TPRG1: variants seen among roughly 807,000 people sequenced by gnomAD.
The protein encoded by TPRG1 is tumor protein p63 regulated 1.
A neutral mutation model predicts 29.3 loss-of-function variants in TPRG1; 29 were observed. The observed-to-expected ratio is 0.99, with a 90% CI of 0.74 to 1.35. The LOEUF (loss-of-function observed/expected upper bound fraction) is 1.35. Ranked by LOEUF, TPRG1 falls within the 40% of genes most tolerant of loss-of-function variation. The probability of loss-of-function intolerance (pLI) is 0.00; values close to 1 mark genes in which losing one functional copy is unlikely to be tolerated. For missense variants in TPRG1, 327 were observed against 335.0 expected (o/e 0.98, Z 0.19); for synonymous variants, 130 against 116.8 (o/e 1.11, Z -0.73).
chr3:189,262,203 G>GGTATAA (rs59142894), intron 4 of TPRG1, among the ~76,000 whole-genome samples: 22,617 of 141,420 alleles, frequency 0.16, 1,911 homozygotes, highest in East Asian at 0.22. Flanking sequence ...GAGAAGACTT[G>GGTATAA]GTATAAGTAT....
intron 1 of TPRG1, 157 bp from the exon 2 acceptor site, chr3:189,207,219 A>C: frequency 2.1e-6 from 2 of 972,328 alleles, no homozygotes; most frequent in South Asian, 9.5e-5. Flanking sequence ...AGTCTGTGTT[A>C]TGAAGCTGTA....
chr3:189,113,912 G>GTTT (rs1720863024), intron 1 of TPRG1, among the ~76,000 whole-genome samples: 1 of 135,826 alleles, frequency 7.4e-6, no homozygotes, highest in Non-Finnish European at 1.5e-5. Flanking sequence ...AAAACTTAAA[G>GTTT]TATAATAATA....
At chr3:189,207,716 A>G in intron 2 of TPRG1, 122 bp downstream of exon 2, 1 of 883,546 alleles carries the variant, frequency 1.1e-6, no homozygotes, top group East Asian at 2.5e-5. Flanking sequence ...CGTCATAATA[A>G]TCATGAAGTA....
chr3:189,211,245 T>C (rs115470576), intron 2 of TPRG1, among the ~76,000 whole-genome samples: 3,162 of 152,304 alleles, frequency 0.021, 107 homozygotes, highest in African/African-American at 0.071. Flanking sequence ...ATTTAACTTT[T>C]GTTGTATATG....
At position 189,151,772 on chromosome 3, in the gene TPRG1, T is replaced by C. The variant is rs1725970444; in HGVS notation, c.-10+900T>C. 1.3e-5 allele frequency among the ~76,000 whole-genome samples: 2 copies of C among 151,920 alleles called. 1 individual carries two copies. The highest frequency in any genetic ancestry group is 2.9e-5 in the Non-Finnish European group (2 of 67,972). Reference sequence around the variant, plus strand: ...GGCATGCCCCTGTAGTCCCAGCTATTTGGGAGGCTGAGACAGGAGAATCGC... The same window carrying C: ...GGCATGCCCCTGTAGTCCCAGCTATCTGGGAGGCTGAGACAGGAGAATCGC... On this transcript the variant is annotated intron_variant, in intron 5 of 6. Transcript: ENST00000412373.
chr3:189,103,032 G>C (rs919913160), intron 1 of TPRG1, among the ~76,000 whole-genome samples: 1 of 152,010 alleles, frequency 6.6e-6, no homozygotes, highest in Non-Finnish European at 1.5e-5. Context: ...TTGGTGCTTC[G>C]TCTGTAATTC....
chr3:189,087,283 CTGTT>C (rs1718013251), intron 4 of TPRG1, among the ~76,000 whole-genome samples: 1 of 152,150 alleles, frequency 6.6e-6, no homozygotes, highest in African/African-American at 2.4e-5. Flanking sequence ...TTTCCTGTGT[CTGTT>C]GGCTGCATAA....
chr3:189,119,176 T>G (rs1285588922), intron 1 of TPRG1, among the ~76,000 whole-genome samples: 5 of 152,176 alleles, frequency 3.3e-5, no homozygotes, highest in African/African-American at 9.7e-5. Flanking sequence ...AGAGATAATT[T>G]TGGAACTTTA....
intron 3 of TPRG1, among the ~76,000 whole-genome samples, chr3:189,141,740 C>T (rs915464812): frequency 1.4e-4 from 21 of 152,142 alleles, no homozygotes; most frequent in African/African-American, 4.1e-4. Context: ...AATTTACCAA[C>T]GTTACAGTCT....
chr3:189,056,000 A>C (rs1715642670), intron 4 of TPRG1, among the ~76,000 whole-genome samples: 1 of 144,634 alleles, frequency 6.9e-6, no homozygotes, highest in Admixed American at 6.9e-5. Flanking sequence ...TTGTATGAGG[A>C]TCTCTCTCTC....
At chr3:189,190,214 C>T (rs1233419412) in intron 1 of TPRG1, among the ~76,000 whole-genome samples, 1 of 152,144 alleles carries the variant, frequency 6.6e-6, no homozygotes, top group Non-Finnish European at 1.5e-5. Context: ...TTTCTCTGTT[C>T]ACAAATAGGA....
At chr3:189,158,984 C>T (rs1298681627) in intron 5 of TPRG1, among the ~76,000 whole-genome samples, 1 of 150,428 alleles carries the variant, frequency 6.6e-6, no homozygotes, top group African/African-American at 2.5e-5. Flanking sequence ...GGCAATTTTC[C>T]TCTTAAGAGG....
intron 2 of TPRG1, among the ~76,000 whole-genome samples, chr3:189,214,826 G>A (rs1224473809): frequency 6.6e-6 from 1 of 152,100 alleles, no homozygotes; most frequent in Non-Finnish European, 1.5e-5. Flanking sequence ...TTTGGGGAAG[G>A]AAGCAGAAAA....
intron 4 of TPRG1, among the ~76,000 whole-genome samples, chr3:189,303,224 T>C (rs562807613): frequency 1.7e-4 from 26 of 152,320 alleles, no homozygotes; most frequent in Admixed American, 1.3e-4. Context: ...TTTTTTTGGA[T>C]AACTTTATTA....
intron 4 of TPRG1, among the ~76,000 whole-genome samples, chr3:189,272,682 C>CTTT (rs142767436): frequency 2.9e-5 from 4 of 140,120 alleles, no homozygotes; most frequent in African/African-American, 9.0e-5. Flanking sequence ...TCCTTTCTTT[C>CTTT]CTTTCTTTCT....
chr3:189,039,389 C>T (rs1018108864), intron 4 of TPRG1, among the ~76,000 whole-genome samples: 1 of 152,044 alleles, frequency 6.6e-6, no homozygotes, highest in South Asian at 2.1e-4. Flanking sequence ...TTGTGAAATT[C>T]TCTGGGAAGT....
chr3:189,161,994 CT>C (rs1366491493), intron 5 of TPRG1, among the ~76,000 whole-genome samples: 1 of 151,544 alleles, frequency 6.6e-6, no homozygotes, highest in African/African-American at 2.4e-5. Flanking sequence ...CGGGACCATT[CT>C]TTTTTTTCTT....
intron 4 of TPRG1, among the ~76,000 whole-genome samples, chr3:189,250,009 C>A (rs1560604510): frequency 6.6e-6 from 1 of 152,056 alleles, no homozygotes; most frequent in African/African-American, 2.4e-5. Context: ...AAAATCCCAC[C>A]CTTATTCTCC....
intron 5 of TPRG1, among the ~76,000 whole-genome samples, chr3:189,314,131 A>G (rs570135807): frequency 2.0e-5 from 3 of 152,348 alleles, no homozygotes; most frequent in East Asian, 3.9e-4. Context: ...TGGTGATTCC[A>G]TTAATTTGAT....
Sources: allele counts gnomAD v4.1 joint callset (sites outside exome capture counted in the v4.1 genomes callset), GRCh38; gene constraint gnomAD v4.1.1; transcripts MANE v1.5; gene names NCBI Gene and HGNC (gene_info 2026-07-23, HGNC 2026-07-21).